The following CUBN variants were observed in gnomAD, a reference collection of about 807,000 sequenced individuals.
The protein encoded by CUBN is 460 kDa receptor.
In CUBN, 282 loss-of-function variants were observed where a neutral mutation model predicts 405.3. The ratio of observed to expected loss-of-function variants is 0.70; its 90% CI spans 0.63 to 0.77. The LOEUF is 0.77. Among genes scored for constraint, CUBN ranks in the 30% least tolerant of loss-of-function variants. CUBN has a pLI of 0.00. For missense variants in CUBN, 4,514 were observed against 4,475.2 expected (o/e 1.01, Z -0.25); for synonymous variants, 1,684 against 1,617.0 (o/e 1.04, Z -0.99).
intron 27 of CUBN, among the ~76,000 whole-genome samples, chr10:17,024,081 C>T (rs1312532573): frequency 1.3e-5 from 2 of 148,186 alleles, no homozygotes; most frequent in Non-Finnish European, 3.0e-5. Context: ...TTCCTTTGTG[C>T]GGGTTTGATA....
At chr10:16,902,363 G>GTA (rs1487864389) in intron 51 of CUBN, among the ~76,000 whole-genome samples, 1 of 144,402 alleles carries the variant, frequency 6.9e-6, no homozygotes, top group Non-Finnish European at 1.5e-5. Context: ...TATATTTTAT[G>GTA]TATATATATG....
chr10:16,887,915 T>C (rs1389391947), intron 56 of CUBN, among the ~76,000 whole-genome samples: 2 of 152,194 alleles, frequency 1.3e-5, no homozygotes, highest in African/African-American at 4.8e-5. Flanking sequence ...TAAAATCTTG[T>C]CATTTGTGAC....
intron 40 of CUBN, among the ~76,000 whole-genome samples, chr10:16,931,500 G>A (rs72773218): frequency 0.011 from 1,747 of 152,282 alleles, 13 homozygotes; most frequent in Non-Finnish European, 0.017. Context: ...GTTTTGGCAC[G>A]CACCTGAGTT....
At chr10:16,857,174 T>C (rs1354050276) in intron 59 of CUBN, among the ~76,000 whole-genome samples, 1 of 152,234 alleles carries the variant, frequency 6.6e-6, no homozygotes, top group African/African-American at 2.4e-5. Context: ...AGAAAAAAGT[T>C]AGTAGTTTTT....
intron 65 of CUBN, among the ~76,000 whole-genome samples, chr10:16,830,866 C>T (rs1222647056): frequency 2.0e-5 from 3 of 152,086 alleles, no homozygotes; most frequent in Admixed American, 6.6e-5. Context: ...GAGGTTGGAT[C>T]ACCTGAGTTC....
intron 14 of CUBN, among the ~76,000 whole-genome samples, chr10:17,090,872 T>C (rs1420431941): frequency 6.7e-6 from 1 of 148,370 alleles, no homozygotes; most frequent in African/African-American, 2.5e-5. Flanking sequence ...TATTCCAATA[T>C]AGTGTAAGAT....
At chr10:17,102,744 T>A (rs575825885) in intron 13 of CUBN, among the ~76,000 whole-genome samples, 2 of 151,878 alleles carry the variant, frequency 1.3e-5, no homozygotes, top group Non-Finnish European at 2.9e-5. Context: ...GTAGCTGGGA[T>A]TACAGGAATG....
At chr10:16,924,957 ATAGTT>A (rs1564426633) in intron 43 of CUBN, among the ~76,000 whole-genome samples, 1 of 152,166 alleles carries the variant, frequency 6.6e-6, no homozygotes, top group Non-Finnish European at 1.5e-5. Flanking sequence ...ATCAAGAAGA[ATAGTT>A]TATTTTATAC....
chr10:17,093,860 A>G (rs1242415415), intron 14 of CUBN, among the ~76,000 whole-genome samples: 1 of 152,140 alleles, frequency 6.6e-6, no homozygotes, highest in Admixed American at 6.6e-5. Flanking sequence ...AAAACAAAAT[A>G]ACCAAATGGA....
At chr10:16,888,265 A>G (rs1840879409) in intron 56 of CUBN, 152 bp downstream of exon 56, 1 of 662,142 alleles carries the variant, frequency 1.5e-6, no homozygotes, top group East Asian at 2.7e-5. Context: ...CTCTCCCCAC[A>G]AAAAGTGCTA....
chr10:16,943,283 G>A (rs996898477), intron 36 of CUBN, among the ~76,000 whole-genome samples: 4 of 152,172 alleles, frequency 2.6e-5, no homozygotes, highest in Non-Finnish European at 5.9e-5. Context: ...GGTCACTACA[G>A]TATAGACCAT....
intron 62 of CUBN, among the ~76,000 whole-genome samples, chr10:16,838,778 G>A (rs1386355227): frequency 5.9e-5 from 9 of 152,170 alleles, no homozygotes; most frequent in Non-Finnish European, 1.3e-4. Flanking sequence ...CTGAGTAGCT[G>A]GGATTACAAG....
Position 17,020,054 on chromosome 10 carries a change from A to C in CUBN, c.4018-71T>G, listed in dbSNP as rs572961745. On this transcript the variant is annotated intron_variant, in intron 27 of 66. Transcript: ENST00000377833. ...GGGATGGAAAAATCCAAGTCTACAC[A>C]AGTAGCAAAAGCTGTTCCTTGGTTC... 1,105 of 1,554,698 alleles carry C rather than the reference A, an allele frequency of 7.1e-4. 2 individuals are homozygous for C. The highest frequency in any genetic ancestry group is 7.8e-4 in the Non-Finnish European group (883 of 1,127,638).
At chr10:17,031,321 CA>C (rs1393494259) in intron 27 of CUBN, among the ~76,000 whole-genome samples, 3 of 152,192 alleles carry the variant, frequency 2.0e-5, no homozygotes, top group Non-Finnish European at 4.4e-5. Flanking sequence ...AGCATCAGTG[CA>C]AATAATAACA....
intron 1 of CUBN, among the ~76,000 whole-genome samples, 169 bp from the exon 2 acceptor site, chr10:17,129,419 C>T (rs1334744001): frequency 1.3e-5 from 2 of 152,230 alleles, no homozygotes; most frequent in African/African-American, 4.8e-5. Context: ...GCACATTTCT[C>T]AGAGATACCT....
At chr10:17,032,454 G>C (rs1359294806) in intron 27 of CUBN, among the ~76,000 whole-genome samples, 1 of 152,124 alleles carries the variant, frequency 6.6e-6, no homozygotes, top group Non-Finnish European at 1.5e-5. Flanking sequence ...TTCATGTAGT[G>C]ATGACACTTC....
At chr10:17,055,107 T>C (rs1022456637) in intron 22 of CUBN, among the ~76,000 whole-genome samples, 1 of 152,060 alleles carries the variant, frequency 6.6e-6, no homozygotes, top group African/African-American at 2.4e-5. Context: ...TTCTGATGTA[T>C]TACACAAGAT....
intron 28 of CUBN, among the ~76,000 whole-genome samples, chr10:17,008,238 G>GGGGTGTGT (rs1554809153): frequency 6.2e-5 from 5 of 80,846 alleles, no homozygotes; most frequent in African/African-American, 1.8e-4. Context: ...GCCCGTGTGT[G>GGGGTGTGT]GTGTGTGTGT....
chr10:16,866,686 G>A (rs1235308013), intron 59 of CUBN, among the ~76,000 whole-genome samples: 2 of 152,190 alleles, frequency 1.3e-5, no homozygotes, highest in Admixed American at 6.5e-5. Flanking sequence ...CATTTTGCTG[G>A]TTGTCAGCCA....
Sources: allele counts gnomAD v4.1 joint callset (sites outside exome capture counted in the v4.1 genomes callset), GRCh38; gene constraint gnomAD v4.1.1; transcripts MANE v1.5; gene names NCBI Gene and HGNC (gene_info 2026-07-23, HGNC 2026-07-21).